Variants in AFAP1L2 observed in about 807,000 individuals in gnomAD.
AFAP1L2 encodes actin filament-associated protein 1-like 2.
AFAP1L2 carries 46 observed loss-of-function variants against 99.3 expected under a neutral mutation model. The ratio of observed to expected loss-of-function variants is 0.46; its 90% CI spans 0.37 to 0.59. The LOEUF (loss-of-function observed/expected upper bound fraction) is 0.59. Among genes scored for constraint, AFAP1L2 ranks in the 20% least tolerant of loss-of-function variants. AFAP1L2 has a pLI of 0.00. For missense variants in AFAP1L2, 959 were observed against 1,034.9 expected, an observed-to-expected ratio of 0.93 and a Z score of 1.01; for synonymous variants, 397 against 419.1, an observed-to-expected ratio of 0.95 and a Z score of 0.64.
intron 1 of AFAP1L2, among the ~76,000 whole-genome samples, chr10:114,365,053 T>C (rs186037830): frequency 8.3e-4 from 126 of 152,340 alleles, no homozygotes; most frequent in African/African-American, 2.9e-3. Context: ...AGACAGGTGG[T>C]AAGTCATATG....
chr10:114,299,969 G>A (rs11196687), intron 15 of AFAP1L2, among the ~76,000 whole-genome samples: 11,818 of 152,246 alleles, frequency 0.078, 592 homozygotes, highest in East Asian at 0.24. Flanking sequence ...CTGCACTGTC[G>A]GCTTCCCTAC....
intron 10 of AFAP1L2, among the ~76,000 whole-genome samples, chr10:114,306,283 G>A (rs1313916274): frequency 2.9e-5 from 4 of 139,374 alleles, no homozygotes; most frequent in African/African-American, 1.1e-4. Flanking sequence ...GCAGATGCAG[G>A]AGGCGTCGGG....
In AFAP1L2 at chr10:114,345,252, G is replaced by A. The variant is rs72641347; in HGVS notation, c.17-4521C>T. 0.021 allele frequency among the ~76,000 whole-genome samples: 3,254 copies of A among 152,142 alleles called. 304 individuals are homozygous for A. The East Asian group carries it at 0.33, about 15-fold the overall frequency. ...TGGGGGTGGGCCTCAAAGGGGAGAAGGTGGGCTCTAAGGCCAGAACTGTGG... is the reference window on the plus strand; with the variant it reads ...TGGGGGTGGGCCTCAAAGGGGAGAAAGTGGGCTCTAAGGCCAGAACTGTGG... On this transcript the variant is annotated intron_variant, in intron 1 of 18. Coordinates refer to ENST00000304129, the MANE Select transcript of AFAP1L2 (RefSeq NM_001001936.3).
At chr10:114,371,202 G>T (rs1008368538) in intron 1 of AFAP1L2, among the ~76,000 whole-genome samples, 8 of 152,216 alleles carry the variant, frequency 5.3e-5, no homozygotes, top group Admixed American at 3.9e-4. Flanking sequence ...GACAGAAGTG[G>T]CTGAAATCAT....
intron 10 of AFAP1L2, among the ~76,000 whole-genome samples, chr10:114,305,733 T>C (rs1589988194): frequency 4.1e-5 from 3 of 72,864 alleles, no homozygotes; most frequent in South Asian, 5.3e-4. Flanking sequence ...CAGGAGGAGA[T>C]GCAGATGCAG....
rs1286351059 is a variant in AFAP1L2 at position 114,295,542 on chromosome 10, G to A, written c.*500C>T. ...GCTGTTTAAAATCACTGAAGACTGA[G>A]TTGGGCCTGGTAATATTGGAGAGAA... On this transcript the variant is annotated 3_prime_UTR_variant, in exon 19 of 19. Coordinates refer to ENST00000304129, the MANE Select transcript of AFAP1L2 (RefSeq NM_001001936.3). The A allele has an allele frequency of 1.0e-6, 1 of 985,922 alleles. No homozygotes were observed. Among genetic ancestry groups the A allele is most frequent in the Non-Finnish European group, 1.2e-6 (1 of 830,300 alleles). 61.1% of individuals were successfully genotyped at this position (985,922 alleles called of 1,614,324 possible).
chr10:114,331,060 G>T (rs1274387235), intron 4 of AFAP1L2, among the ~76,000 whole-genome samples: 1 of 152,166 alleles, frequency 6.6e-6, no homozygotes, highest in African/African-American at 2.4e-5. Context: ...GAATCCAGGG[G>T]CAGAAAGGAG....
At chr10:114,346,372 G>A (rs1227247150) in intron 1 of AFAP1L2, among the ~76,000 whole-genome samples, 1 of 152,208 alleles carries the variant, frequency 6.6e-6, no homozygotes, top group Non-Finnish European at 1.5e-5. Context: ...TTCCGGTCAA[G>A]GGTCAAGATT....
At chr10:114,330,593 G>A (rs1454556871) in intron 4 of AFAP1L2, among the ~76,000 whole-genome samples, 1 of 152,192 alleles carries the variant, frequency 6.6e-6, no homozygotes, top group Non-Finnish European at 1.5e-5. Context: ...AAGCCCATCT[G>A]ACGAGACAGA....
At chr10:114,379,437 T>C (rs1232423380) in intron 1 of AFAP1L2, among the ~76,000 whole-genome samples, 1 of 152,066 alleles carries the variant, frequency 6.6e-6, no homozygotes, top group Non-Finnish European at 1.5e-5. Context: ...CTGGACTAAA[T>C]ATACTATTTT....
chr10:114,333,363 C>T, intron 2 of AFAP1L2, 68 bp from the exon 3 acceptor site: 3 of 1,282,132 alleles, frequency 2.3e-6, no homozygotes, highest in Non-Finnish European at 1.1e-6. Flanking sequence ...GCTAGAAACC[C>T]TGTTACTCCA....
intron 1 of AFAP1L2, among the ~76,000 whole-genome samples, chr10:114,369,378 G>A (rs1020338049): frequency 6.6e-6 from 1 of 152,068 alleles, no homozygotes; most frequent in Non-Finnish European, 1.5e-5. Flanking sequence ...GGCGGATCAC[G>A]AGGTCAGGAG....
Position 114,404,435 on chromosome 10 carries a change from C to T in AFAP1L2, c.16+5G>A. 2 of 1,543,638 alleles carry T rather than the reference C, an allele frequency of 1.3e-6. No individual in the cohort carries two copies. The highest frequency in any genetic ancestry group is 1.7e-6 in the Non-Finnish European group (2 of 1,146,468). On this transcript the variant is annotated splice_donor_5th_base_variant and intron_variant, in intron 1 of 18. Transcript: ENST00000304129. ...GTGCGCCGCGCGAGGAACCCGCGCC[C>T]TCACCTTTGTACCGCTCCATCGGGG...
chr10:114,398,783 T>C lies in AFAP1L2; in HGVS notation c.16+5657A>G, dbSNP rs1401571075. On this transcript the variant is annotated intron_variant, in intron 1 of 18. Coordinates refer to ENST00000304129, the MANE Select transcript of AFAP1L2 (RefSeq NM_001001936.3). ...CACCCAGAGCATGGGCAGAGCCAGG[T>C]CTGCACCCTCGGGAGCCCTGGAGGC... is the stretch of plus-strand genomic sequence containing the variant. 6 of 1,276,676 alleles carry C rather than the reference T, an allele frequency of 4.7e-6. No homozygotes were observed. In the East Asian group the frequency reaches 2.2e-4, roughly 47 times the overall value. 79.1% of individuals were successfully genotyped at this position (1,276,676 alleles called of 1,614,324 possible). A position where few individuals can be genotyped will look rare whatever the true frequency, so the allele number is the denominator to read the frequency against.
the AFAP1L2 span, chr10:114,285,940 C>A: frequency 6.3e-7 from 1 of 1,589,838 alleles, no homozygotes; most frequent in South Asian, 1.1e-5. Context: ...TCCCCGCAGC[C>A]CTGAAGCTGA....
intron 1 of AFAP1L2, among the ~76,000 whole-genome samples, chr10:114,360,509 T>A (rs7094848): frequency 0.31 from 33,059 of 105,732 alleles, 4,101 homozygotes; most frequent in East Asian, 0.4. Flanking sequence ...AGATAGATAG[T>A]TAGATAGATA....
chr10:114,365,245 T>C (rs1206189038), intron 1 of AFAP1L2, among the ~76,000 whole-genome samples: 1 of 152,124 alleles, frequency 6.6e-6, no homozygotes, highest in Non-Finnish European at 1.5e-5. Flanking sequence ...TTCTCTTCCA[T>C]TCCCAACCCA....
downstream of AFAP1L2, among the ~76,000 whole-genome samples, chr10:114,294,116 A>AT (rs1293476713): frequency 2.6e-5 from 4 of 152,154 alleles, no homozygotes; most frequent in East Asian, 3.9e-4. Context: ...ACAACCCTTG[A>AT]TTTTTTTGGA....
chr10:114,365,802 T>C (rs1344591249), intron 1 of AFAP1L2, among the ~76,000 whole-genome samples: 2 of 151,998 alleles, frequency 1.3e-5, no homozygotes, highest in African/African-American at 4.8e-5. Flanking sequence ...CATGGCTTAC[T>C]GCAGCCTTGA....
Sources: gnomAD v4.1 joint callset for allele counts (sites outside exome capture counted in the v4.1 genomes callset) on GRCh38, gnomAD v4.1.1 for gene constraint, MANE v1.5 for transcripts, NCBI Gene and HGNC (gene_info 2026-07-23, HGNC 2026-07-21) for gene names.